TSHZ3: variants seen among roughly 807,000 people sequenced by gnomAD.
TSHZ3 encodes the protein teashirt homolog 3.
A neutral mutation model predicts 64.5 loss-of-function variants in TSHZ3; 10 were observed. That is an observed-to-expected ratio of 0.16 (90% CI 0.10 to 0.26). TSHZ3 has a LOEUF of 0.26. TSHZ3 is among the 10% of genes least tolerant of loss of function. The pLI, the probability that TSHZ3 is intolerant of heterozygous loss-of-function variation, is 1.00. For missense variants in TSHZ3, 1,242 were observed against 1,421.7 expected (o/e 0.87, Z 2.03); for synonymous variants, 608 against 593.1 (o/e 1.03, Z -0.36).
chr19:31,253,336 GATA>G (rs1975865834), intron 1 of TSHZ3, among the ~76,000 whole-genome samples: 3 of 152,134 alleles, frequency 2.0e-5, no homozygotes, highest in South Asian at 2.1e-4. Flanking sequence ...AATGGATCAA[GATA>G]AGAAGAAGAA....
At chr19:31,227,661 T>A (rs1185920800) in intron 4 of TSHZ3, among the ~76,000 whole-genome samples, 1 of 152,150 alleles carries the variant, frequency 6.6e-6, no homozygotes, top group African/African-American at 2.4e-5. Flanking sequence ...GTGGGCTTTA[T>A]ATTGCGTACC....
intron 5 of TSHZ3, among the ~76,000 whole-genome samples, chr19:31,162,200 C>G (rs1239931246): frequency 6.6e-6 from 1 of 151,970 alleles, no homozygotes; most frequent in Non-Finnish European, 1.5e-5. Context: ...CCCCAGCACC[C>G]CAGCACAGTG....
chr19:31,222,051 T>TGC (rs1975400418), intron 4 of TSHZ3, among the ~76,000 whole-genome samples: 1 of 152,206 alleles, frequency 6.6e-6, no homozygotes, highest in Non-Finnish European at 1.5e-5. Context: ...GGACCCCAGC[T>TGC]ATACCTTGGT....
rs1288708277 is a variant in TSHZ3, at chr19:31,275,959, A to G, written c.*588T>C. 6.6e-6 allele frequency: 1 copy of G among 152,624 alleles called. No individual in the cohort carries two copies. The highest frequency in any genetic ancestry group is 1.5e-5 in the Non-Finnish European group (1 of 68,032). The allele number at this position is 152,624 out of a possible 1,614,324, so 9.5% of individuals were successfully genotyped here. A position where few individuals can be genotyped will look rare whatever the true frequency, so the allele number is the denominator to read the frequency against. The stretch of plus-strand genomic sequence containing the variant: ...AGAGAGTCTGAAATCTATACAATAT[A>G]TACATCTATGTTTCAATGTGAAAAT... On this transcript the variant is annotated 3_prime_UTR_variant, in exon 2 of 2. Transcript: ENST00000240587.
intron 3 of TSHZ3, among the ~76,000 whole-genome samples, chr19:31,228,337 G>A (rs1341243659): frequency 6.6e-6 from 1 of 151,916 alleles, no homozygotes; most frequent in Non-Finnish European, 1.5e-5. Context: ...ACCAGCTTGG[G>A]CAACATAGTG....
At chr19:31,249,053 G>A (rs964492332) in intron 1 of TSHZ3, among the ~76,000 whole-genome samples, 2 of 150,414 alleles carry the variant, frequency 1.3e-5, no homozygotes, top group Admixed American at 6.6e-5. Context: ...CTCCCTGCTC[G>A]CTTGCGACCC....
At chr19:31,329,578 A>G (rs1005773826) in intron 1 of TSHZ3, among the ~76,000 whole-genome samples, 9 of 152,240 alleles carry the variant, frequency 5.9e-5, no homozygotes, top group Non-Finnish European at 7.3e-5. Flanking sequence ...ACTCACAGCA[A>G]TAAAATAGTG....
chr19:31,343,785 G>T (rs73037852), intron 1 of TSHZ3, among the ~76,000 whole-genome samples: 5,706 of 128,566 alleles, frequency 0.044, 355 homozygotes, highest in African/African-American at 0.15. Context: ...TTTTTTTTTT[G>T]TTTTTTTTTT....
At chr19:31,294,658 T>C (rs1197527296) in intron 1 of TSHZ3, among the ~76,000 whole-genome samples, 21 of 152,244 alleles carry the variant, frequency 1.4e-4, no homozygotes, top group South Asian at 2.1e-4. Flanking sequence ...TGTCTATATA[T>C]TAAAACAGCT....
At position 31,277,581 on chromosome 19, in the gene TSHZ3, T is replaced by G; in HGVS notation, c.2212A>C (p.Lys738Gln). Residue 738 changes from lysine to glutamine, a missense_variant, in exon 2 of 2, where the codon AAG becomes CAG. Physicochemically the swap from Lys to Gln is moderately conservative, Grantham distance 53. Around this residue, in one of 4 missense-constraint regions of TSHZ3, gnomAD observed 550 missense variants for 545.1 expected, o/e 1.01. Transcript: ENST00000240587. This position sits in a 1 kb window ranked among gnomAD's most constrained non-coding sequence, Gnocchi z 4.5. ...GGGTCCAGGGCAGGCAGGGAGGGCTTGGCGGCCTTGCCCAGGTGAATGTTC... is the reference window on the plus strand; with the variant it reads ...GGGTCCAGGGCAGGCAGGGAGGGCTGGGCGGCCTTGCCCAGGTGAATGTTC... Reference protein sequence around the residue: ...VMNIHLGKAAKPSLPALDPMS... With the variant: ...VMNIHLGKAAQPSLPALDPMS... 1.3e-6 allele frequency: 2 copies of G among 1,596,566 alleles called. No individual in the cohort carries two copies. Among genetic ancestry groups the G allele is most frequent in the Non-Finnish European group, 1.7e-6 (2 of 1,170,910 alleles).
chr19:31,349,347 G>C lies in TSHZ3; in HGVS notation c.-128C>G. On this transcript the variant is annotated 5_prime_UTR_variant, in exon 1 of 2. Transcript: ENST00000240587. ...CTCTCAGCCTCCCCCCCGGAGAGCG[G>C]CCGCCCGCAGGATGCTGCTGCGCCC... The C allele has an allele frequency of 1.2e-6, 1 of 848,012 alleles. No individual in the cohort carries two copies. Among genetic ancestry groups the C allele is most frequent in the Non-Finnish European group, 1.6e-6 (1 of 609,892 alleles). 52.5% of individuals were successfully genotyped at this position (848,012 alleles called of 1,614,324 possible). A position where few individuals can be genotyped will look rare whatever the true frequency, so the allele number is the denominator to read the frequency against.
rs35192337 is a variant in TSHZ3, at chr19:31,213,356, CAAAAAAAAAAAAA to C, written n.687-8291_687-8279del. On this transcript the variant is annotated intron_variant and non_coding_transcript_variant, in intron 4 of 6. Coordinates refer to the TSHZ3 transcript ENST00000651361. Reference sequence around the variant, plus strand: ...TGAGCAACAGAGCGAGACTCTGTCTCAAAAAAAAAAAAAAAAAAAAAAAAAAAAAAAAAAATCA... The same window carrying C: ...TGAGCAACAGAGCGAGACTCTGTCTCAAAAAAAAAAAAAAAAAAAAAATCA... Among the ~76,000 whole-genome samples the C allele has an allele frequency of 4.7e-4, 11 of 23,308 alleles. 1 individual carries two copies. The highest frequency in any genetic ancestry group is 2.8e-3 in the South Asian group (1 of 352). 15.3% of individuals were successfully genotyped at this position (23,308 alleles called of 152,430 possible). A position where few individuals can be genotyped will look rare whatever the true frequency, so the allele number is the denominator to read the frequency against.
intron 1 of TSHZ3, among the ~76,000 whole-genome samples, chr19:31,333,967 T>C (rs1917170045): frequency 6.6e-6 from 1 of 152,206 alleles, no homozygotes; most frequent in Non-Finnish European, 1.5e-5. Flanking sequence ...TGTTTCCAAA[T>C]AATACCTTGC....
chr19:31,196,237 G>A (rs1205177637), intron 5 of TSHZ3, among the ~76,000 whole-genome samples: 1 of 152,008 alleles, frequency 6.6e-6, no homozygotes, highest in Admixed American at 6.5e-5. Context: ...AGTTATTATA[G>A]TTATTTAAAA....
intron 1 of TSHZ3, among the ~76,000 whole-genome samples, chr19:31,287,631 T>G (rs1212511901): frequency 6.6e-6 from 1 of 151,584 alleles, no homozygotes; most frequent in East Asian, 1.9e-4. Flanking sequence ...CCACTAGGGC[T>G]GGCGTAGGGG....
At chr19:31,339,160 G>A (rs1347566983) in intron 1 of TSHZ3, among the ~76,000 whole-genome samples, 2 of 151,582 alleles carry the variant, frequency 1.3e-5, no homozygotes, top group African/African-American at 4.9e-5. Context: ...AGCCAGGGTG[G>A]CTTGAATGAT....
intron 5 of TSHZ3, among the ~76,000 whole-genome samples, chr19:31,156,489 A>T (rs924110258): frequency 6.6e-6 from 1 of 152,220 alleles, no homozygotes; most frequent in Admixed American, 6.5e-5. Flanking sequence ...GGTCGGGAGC[A>T]GGAGCAGATA....
At chr19:31,333,319 C>T (rs766685436) in intron 1 of TSHZ3, among the ~76,000 whole-genome samples, 3 of 151,966 alleles carry the variant, frequency 2.0e-5, no homozygotes, top group Non-Finnish European at 4.4e-5. Context: ...CAAGGACATG[C>T]GAGCCCCTCT....
At chr19:31,251,301 C>G (rs1204223757) in intron 1 of TSHZ3, among the ~76,000 whole-genome samples, 1 of 152,096 alleles carries the variant, frequency 6.6e-6, no homozygotes, top group Admixed American at 6.5e-5. Flanking sequence ...TGCTTTAGCC[C>G]CCTTAGGAAG....
Sources: gnomAD v4.1 joint callset for allele counts (sites outside exome capture counted in the v4.1 genomes callset) on GRCh38, gnomAD v4.1.1 for gene constraint, gnomAD v4.1.1 regional missense constraint, Gnocchi (gnomAD v3.1) non-coding constraint, MANE v1.5 for transcripts, NCBI Gene and HGNC (gene_info 2026-07-23, HGNC 2026-07-21) for gene names.